Variants in CACNA2D1 observed in about 807,000 individuals in gnomAD.
CACNA2D1 encodes voltage-dependent calcium channel subunit alpha-2/delta-1.
In CACNA2D1, 53 loss-of-function variants were observed where a neutral mutation model predicts 171.5. The ratio of observed to expected loss-of-function variants is 0.31; its 90% CI spans 0.25 to 0.39. The LOEUF is 0.39. Among genes scored for constraint, CACNA2D1 ranks in the 10% least tolerant of loss-of-function variants. CACNA2D1 has a pLI of 1.00. For synonymous variants in CACNA2D1, 442 were observed against 443.1 expected, an observed-to-expected ratio of 1.00 and a Z score of 0.03; for missense variants, 903 against 1,299.8, an observed-to-expected ratio of 0.69 and a Z score of 4.69.
chr7:82,308,507 G>C (rs2108373), intron 3 of CACNA2D1, among the ~76,000 whole-genome samples: 43,172 of 151,992 alleles, frequency 0.28, 7,204 homozygotes, highest in Non-Finnish European at 0.37. Context: ...GTTAATTTAA[G>C]AAACAGAAAC....
At chr7:82,173,864 T>C (rs1796286816) in intron 3 of CACNA2D1, among the ~76,000 whole-genome samples, 1 of 151,450 alleles carries the variant, frequency 6.6e-6, no homozygotes, top group Non-Finnish European at 1.5e-5. Flanking sequence ...GGCAGCATAG[T>C]GAGATCCTGT....
chr7:82,127,842 T>G (rs1194233695), intron 5 of CACNA2D1, among the ~76,000 whole-genome samples: 1 of 152,216 alleles, frequency 6.6e-6, no homozygotes, highest in Non-Finnish European at 1.5e-5. Context: ...TAAGGCCATA[T>G]GTGCCTTCTA....
At chr7:81,992,360 G>T (rs1797634758) in intron 20 of CACNA2D1, among the ~76,000 whole-genome samples, 1 of 152,000 alleles carries the variant, frequency 6.6e-6, no homozygotes, top group Non-Finnish European at 1.5e-5. Context: ...TGCTTAAGTT[G>T]GCAAAATATA....
chr7:82,403,912 A>G (rs980458959), intron 1 of CACNA2D1, among the ~76,000 whole-genome samples: 5 of 152,250 alleles, frequency 3.3e-5, no homozygotes, highest in Admixed American at 6.5e-5. Context: ...TGAGCTTCCA[A>G]TATCATCCAA....
chr7:82,314,043 A>C (rs1585449978), intron 3 of CACNA2D1, among the ~76,000 whole-genome samples: 1 of 152,202 alleles, frequency 6.6e-6, no homozygotes, highest in South Asian at 2.1e-4. Context: ...TCTCTGGGAG[A>C]ATATATACCT....
chr7:82,002,620 C>T (rs896101655), intron 18 of CACNA2D1, among the ~76,000 whole-genome samples: 1 of 152,086 alleles, frequency 6.6e-6, no homozygotes, highest in African/African-American at 2.4e-5. Flanking sequence ...CTATACAATA[C>T]ATATTTCTTA....
intron 4 of CACNA2D1, among the ~76,000 whole-genome samples, chr7:82,146,170 T>C (rs11980501): frequency 0.14 from 21,682 of 150,362 alleles, 1,797 homozygotes; most frequent in Middle Eastern, 0.29. Context: ...TTTAATAACC[T>C]AACTGCAAAG....
In CACNA2D1 at chr7:81,965,445, G is replaced by A. The variant is rs1794618524; in HGVS notation, c.2574+149C>T. On this transcript the variant is annotated intron_variant, in intron 32 of 38. Transcript: ENST00000356860. ...CTAGACTTAGCATGCATTTCTTAAT[G>A]GTTTACATAACATTAAGCATTTTAC... is the stretch of plus-strand genomic sequence containing the variant. 3 of 653,788 alleles carry A rather than the reference G, an allele frequency of 4.6e-6. No individual in the cohort carries two copies. In the Admixed American group the frequency reaches 7.2e-5, roughly 16 times the overall value. 40.5% of individuals were successfully genotyped at this position (653,788 alleles called of 1,614,324 possible). A position where few individuals can be genotyped will look rare whatever the true frequency, so the allele number is the denominator to read the frequency against.
chr7:82,354,890 T>G (rs1820247862), intron 1 of CACNA2D1, among the ~76,000 whole-genome samples: 1 of 152,144 alleles, frequency 6.6e-6, no homozygotes, highest in African/African-American at 2.4e-5. Flanking sequence ...TCTCCACACA[T>G]TCTAAATTAA....
intron 26 of CACNA2D1, 163 bp from the exon 27 acceptor site, chr7:81,970,900 T>C (rs898751711): frequency 1.8e-5 from 11 of 599,738 alleles, no homozygotes; most frequent in Non-Finnish European, 3.0e-5. Context: ...AAATTTGTAC[T>C]TGAAGGATGT....
At chr7:82,154,677 G>C (rs1304178959) in intron 4 of CACNA2D1, among the ~76,000 whole-genome samples, 2 of 152,012 alleles carry the variant, frequency 1.3e-5, no homozygotes, top group Admixed American at 1.3e-4. Context: ...AAATTAAAGA[G>C]GTATAAAATT....
Position 81,959,931 on chromosome 7 carries a change from C to T in CACNA2D1, c.2967-102G>A, listed in dbSNP as rs116807404. 784 of 1,493,622 alleles carry T rather than the reference C, an allele frequency of 5.2e-4. 6 individuals are homozygous for T. The African/African-American group carries it at 0.01, about 20-fold the overall frequency. The allele number at this position is 1,493,622 out of a possible 1,614,324, so 92.5% of individuals were successfully genotyped here. On this transcript the variant is annotated intron_variant, in intron 36 of 38. Transcript: ENST00000356860. The stretch of plus-strand genomic sequence containing the variant: ...TATTAAAATGAAAGACAAAATATGA[C>T]ATCTGAAACAGAAACCATTCCCAGC...
At chr7:82,062,257 G>A (rs918368365) in intron 9 of CACNA2D1, among the ~76,000 whole-genome samples, 8 of 152,228 alleles carry the variant, frequency 5.3e-5, no homozygotes, top group African/African-American at 1.2e-4. Flanking sequence ...TTGTCTCACT[G>A]TCAAAATTTT....
intron 11 of CACNA2D1, among the ~76,000 whole-genome samples, chr7:82,033,357 C>T (rs1186993126): frequency 6.6e-6 from 1 of 151,944 alleles, no homozygotes; most frequent in Non-Finnish European, 1.5e-5. Flanking sequence ...TAGAAGACTG[C>T]CTAGCACATA....
chr7:81,956,026 G>T (rs1398950488), intron 38 of CACNA2D1, among the ~76,000 whole-genome samples: 1 of 119,418 alleles, frequency 8.4e-6, no homozygotes, highest in South Asian at 2.8e-4. Flanking sequence ...CTAGCTCTGT[G>T]ATCTAGGCTG....
chr7:82,029,785 A>C (rs1802430331), intron 12 of CACNA2D1: 1 of 151,774 alleles, frequency 6.6e-6, no homozygotes, highest in African/African-American at 2.4e-5. Context: ...GTATCACAGA[A>C]CTTTGTTATA....
intron 1 of CACNA2D1, among the ~76,000 whole-genome samples, chr7:82,402,726 A>AAAAAAAG (rs1408310591): frequency 1.3e-5 from 2 of 150,802 alleles, no homozygotes; most frequent in South Asian, 4.2e-4. Flanking sequence ...AAAAAAAAAA[A>AAAAAAAG]AAAAAAGAAG....
intron 3 of CACNA2D1, among the ~76,000 whole-genome samples, chr7:82,275,084 AATAT>A (rs1209946736): frequency 6.6e-6 from 1 of 152,176 alleles, no homozygotes; most frequent in Admixed American, 6.5e-5. Flanking sequence ...TTTGATATGA[AATAT>A]ATAGACTGCT....
At chr7:82,097,898 G>A (rs1341823150) in intron 6 of CACNA2D1, among the ~76,000 whole-genome samples, 1 of 127,512 alleles carries the variant, frequency 7.8e-6, no homozygotes, top group Non-Finnish European at 1.8e-5. Flanking sequence ...CAGATCACTT[G>A]AGGTCAGGAG....
Sources: gnomAD v4.1 joint callset for allele counts (sites outside exome capture counted in the v4.1 genomes callset) on GRCh38, gnomAD v4.1.1 for gene constraint, MANE v1.5 for transcripts, NCBI Gene and HGNC (gene_info 2026-07-23, HGNC 2026-07-21) for gene names.